IRS1: variants seen among roughly 807,000 people sequenced by gnomAD.
IRS1 encodes the protein insulin receptor substrate 1.
Under a neutral mutation model 65.6 loss-of-function variants are expected in IRS1, and 34 were observed. That is an observed-to-expected ratio of 0.52 (90% CI 0.39 to 0.69). The LOEUF is 0.69. Ranked by LOEUF, IRS1 falls within the 30% of genes least tolerant of loss-of-function variation. The pLI is 0.00. For synonymous variants in IRS1, 699 were observed against 683.5 expected (o/e 1.02, Z -0.35); for missense variants, 1,641 against 1,720.2 (o/e 0.95, Z 0.81).
In IRS1 at chr2:226,794,704, A is replaced by AAT. The variant is rs1939673547; in HGVS notation, c.*21+284_*21+285insAT. Reference sequence around the variant, plus strand: ...CAAGCTTCTTACGGAGGAACTCTACAAAACGCAGAACTGGCATAGGATATA... The same window carrying AAT: ...CAAGCTTCTTACGGAGGAACTCTACAATAAACGCAGAACTGGCATAGGATATA... On this transcript the variant is annotated intron_variant, in intron 1 of 1. Transcript: ENST00000305123. This position sits in a 1 kb window ranked among gnomAD's most constrained non-coding sequence, Gnocchi z 4.1. 6.6e-6 allele frequency among the ~76,000 whole-genome samples: 1 copy of AAT among 152,268 alleles called. No individual in the cohort carries two copies. The highest frequency in any genetic ancestry group is 6.5e-5 in the Admixed American group (1 of 15,290).
intron 1 of IRS1, among the ~76,000 whole-genome samples, chr2:226,754,419 C>T (rs1938753979): frequency 6.6e-6 from 1 of 152,208 alleles, no homozygotes. Flanking sequence ...ACGTTAGGCA[C>T]TACGTGAACA....
intron 1 of IRS1, among the ~76,000 whole-genome samples, chr2:226,764,534 C>A (rs62190993): frequency 1.3e-5 from 2 of 151,964 alleles, no homozygotes; most frequent in Non-Finnish European, 1.5e-5. Flanking sequence ...CATAACAAGA[C>A]CCTGTTTCAA....
intron 1 of IRS1, among the ~76,000 whole-genome samples, chr2:226,741,786 AAC>A (rs145806509): frequency 0.026 from 3,588 of 138,502 alleles, 41 homozygotes; most frequent in African/African-American, 0.031. Context: ...GAGCCCAGTA[AAC>A]ACACACACAC....
rs1372930364 is a variant in IRS1 at position 226,732,516 on chromosome 2, ATATATGTGTGTATATATATC to A, written c.*3736_*3755del. The stretch of plus-strand genomic sequence containing the variant: ...TACACACACACACATATGTGTATCT[ATATATGTGTGTATATATATC>A]TATATATGTGTATATATATCTATAT... On this transcript the variant is annotated 3_prime_UTR_variant, in exon 2 of 2. Transcript: ENST00000305123. 1 of 148,656 alleles carries A rather than the reference ATATATGTGTGTATATATATC, an allele frequency of 6.7e-6. No individual in the cohort carries two copies. The highest frequency in any genetic ancestry group is 1.5e-5 in the Non-Finnish European group (1 of 67,426). The allele number at this position is 148,656 out of a possible 1,614,324, so 9.2% of individuals were successfully genotyped here.
At chr2:226,740,898 G>C (rs762279915) in intron 1 of IRS1, among the ~76,000 whole-genome samples, 1 of 151,944 alleles carries the variant, frequency 6.6e-6, no homozygotes, top group Non-Finnish European at 1.5e-5. Flanking sequence ...TTATATTGTA[G>C]ATGGAACTAG....
chr2:226,759,708 C>T (rs903627352), intron 1 of IRS1, among the ~76,000 whole-genome samples: 74 of 152,176 alleles, frequency 4.9e-4, no homozygotes, highest in Middle Eastern at 3.4e-3. Context: ...AATAAACACC[C>T]TTTTTTGATA....
At chr2:226,751,141 G>T (rs142504336) in intron 1 of IRS1, among the ~76,000 whole-genome samples, 23 of 152,274 alleles carry the variant, frequency 1.5e-4, no homozygotes, top group Middle Eastern at 3.4e-3. Flanking sequence ...TAAGGTTCTA[G>T]AAGAGTTAAC....
chr2:226,796,028 T>A lies in IRS1; in HGVS notation c.2711A>T (p.Asp904Val). 2 of 1,614,158 alleles carry A rather than the reference T, an allele frequency of 1.2e-6. No individual in the cohort carries two copies. The highest frequency in any genetic ancestry group is 1.7e-6 in the Non-Finnish European group (2 of 1,180,036). ...GEYVNIEFGSDQSGYLSGPVA... is the reference protein window; with the variant it reads ...GEYVNIEFGSVQSGYLSGPVA... ...CGGGCCAGACAAGTAGCCAGACTGA[T>A]CACTCCCAAATTCAATATTGACATA... is the stretch of plus-strand genomic sequence containing the variant. The change falls in exon 1 of 2, where the codon GAT becomes GTT. Residue 904 changes from aspartate to valine, a missense_variant. Transcript: ENST00000305123.
chr2:226,775,538 A>C (rs1280438432), intron 1 of IRS1, among the ~76,000 whole-genome samples: 1 of 152,228 alleles, frequency 6.6e-6, no homozygotes, highest in African/African-American at 2.4e-5. Flanking sequence ...ATATAGAAAT[A>C]TTTATAGATA....
Position 226,735,059 on chromosome 2 carries a change from A to G in IRS1, c.*1213T>C, listed in dbSNP as rs1030919307. ...ACACATAGCCCTGGTCATAATGAAA[A>G]ACACTTACTGGAATTTTAATTTCTG... On this transcript the variant is annotated 3_prime_UTR_variant, in exon 2 of 2. Transcript: ENST00000305123. 5 of 152,198 alleles carry G rather than the reference A, an allele frequency of 3.3e-5. No homozygotes were observed. Among genetic ancestry groups the G allele is most frequent in the African/African-American group, 1.2e-4 (5 of 41,450 alleles). 9.4% of individuals were successfully genotyped at this position (152,198 alleles called of 1,614,324 possible). A position where few individuals can be genotyped will look rare whatever the true frequency, so the allele number is the denominator to read the frequency against.
Position 226,799,357 on chromosome 2 carries a change from T to A in IRS1, c.-619A>T, listed in dbSNP as rs1353970452. 2.4e-6 allele frequency: 3 copies of A among 1,259,636 alleles called. No individual in the cohort carries two copies. The highest frequency in any genetic ancestry group is 1.7e-5 in the African/African-American group (1 of 59,238). 78.0% of individuals were successfully genotyped at this position (1,259,636 alleles called of 1,614,324 possible). ...GTCGCAGAGACCGCGGCGCTGCGGC[T>A]GTTGCTGTTGCTGCTGCTGCTGCTG... On this transcript the variant is annotated 5_prime_UTR_variant, in exon 1 of 2. Transcript: ENST00000305123. This position sits in a 1 kb window ranked among gnomAD's most constrained non-coding sequence, Gnocchi z 6.1.
Position 226,734,411 on chromosome 2 carries a change from C to G in IRS1, c.*1861G>C. 1 of 152,160 alleles carries G rather than the reference C, an allele frequency of 6.6e-6. No homozygotes were observed. The highest frequency in any genetic ancestry group is 1.5e-5 in the Non-Finnish European group (1 of 68,056). The allele number at this position is 152,160 out of a possible 1,614,324, so 9.4% of individuals were successfully genotyped here. On this transcript the variant is annotated 3_prime_UTR_variant, in exon 2 of 2. Coordinates refer to ENST00000305123, the MANE Select transcript of IRS1 (RefSeq NM_005544.3). The stretch of plus-strand genomic sequence containing the variant: ...TGCACAACAGTCTGTGAGGTACATG[C>G]CACCTGGCTGAATGAACAGTAACAC...
rs1215805086 is a variant in IRS1, at chr2:226,736,044, T to TG, written c.*227_*228insC. On this transcript the variant is annotated 3_prime_UTR_variant, in exon 2 of 2. Transcript: ENST00000305123. ...TCATTATTCTGGTGTCACAGTGCATTTTTTTTTTTCGCTTGGCACAATATA... is the reference window on the plus strand; with the variant it reads ...TCATTATTCTGGTGTCACAGTGCATTGTTTTTTTTTCGCTTGGCACAATATA... 6.7e-6 allele frequency: 1 copy of TG among 149,558 alleles called. No individual in the cohort carries two copies. Among genetic ancestry groups the TG allele is most frequent in the Admixed American group, 6.6e-5 (1 of 15,064 alleles). 9.3% of individuals were successfully genotyped at this position (149,558 alleles called of 1,614,324 possible).
chr2:226,784,399 T>A (rs1481115641), intron 1 of IRS1, among the ~76,000 whole-genome samples: 3 of 151,760 alleles, frequency 2.0e-5, no homozygotes, highest in African/African-American at 7.3e-5. Flanking sequence ...ATTCAAATGT[T>A]TTTTTTTAAT....
At chr2:226,742,705 C>G (rs560165990) in intron 1 of IRS1, among the ~76,000 whole-genome samples, 2 of 132,954 alleles carry the variant, frequency 1.5e-5, no homozygotes, top group African/African-American at 2.7e-5. Context: ...GAAAGGCACA[C>G]GCATTATGAA....
intron 1 of IRS1, among the ~76,000 whole-genome samples, chr2:226,774,167 C>T (rs77685279): frequency 0.031 from 4,648 of 152,070 alleles, 112 homozygotes; most frequent in Non-Finnish European, 0.047. Flanking sequence ...CTTGAGAGTC[C>T]GTTATAGTAA....
chr2:226,781,211 T>C (rs1322072237), intron 1 of IRS1, among the ~76,000 whole-genome samples: 1 of 152,234 alleles, frequency 6.6e-6, no homozygotes, highest in Non-Finnish European at 1.5e-5. Flanking sequence ...TTTAAAGGCA[T>C]TGATTTTACA....
At chr2:226,764,476 G>A (rs1938988617) in intron 1 of IRS1, among the ~76,000 whole-genome samples, 1 of 152,230 alleles carries the variant, frequency 6.6e-6, no homozygotes, top group South Asian at 2.1e-4. Context: ...CGAGGAGTGC[G>A]AGGCTGCAGG....
rs748494649 is a variant in IRS1 at position 226,796,246 on chromosome 2, A to T, written c.2493T>A (p.His831Gln). 106 of 1,613,294 alleles carry T rather than the reference A, an allele frequency of 6.6e-5. No individual in the cohort carries two copies. The East Asian group carries it at 2.2e-3, about 34-fold the overall frequency. The change falls in exon 1 of 2, where the codon CAT becomes CAA. Residue 831 changes from histidine to glutamine, a missense_variant. By Grantham distance (24) the His-to-Gln change is conservative. This residue lies in a region of IRS1 where 1,324 missense variants were observed against 1,361.0 expected (regional missense o/e 0.97). Transcript: ENST00000305123. Reference protein sequence around the residue: ...CGARLEPSLPHPHHQVLQPHL... With the variant: ...CGARLEPSLPQPHHQVLQPHL... The stretch of plus-strand genomic sequence containing the variant: ...GGGGCTGCAGAACCTGATGGTGGGG[A>T]TGTGGAAGGCTGGGCTCCAGCCTAG...
Sources: gnomAD v4.1 joint callset for allele counts (sites outside exome capture counted in the v4.1 genomes callset) on GRCh38, gnomAD v4.1.1 for gene constraint, gnomAD v4.1.1 regional missense constraint, Gnocchi (gnomAD v3.1) non-coding constraint, MANE v1.5 for transcripts, NCBI Gene and HGNC (gene_info 2026-07-23, HGNC 2026-07-21) for gene names.